The following FBXW10 variants were observed in gnomAD, a reference collection of about 807,000 sequenced individuals.
FBXW10 encodes F-box/WD repeat-containing protein 10.
A neutral mutation model predicts 113.1 loss-of-function variants in FBXW10; 68 were observed. That is an observed-to-expected ratio of 0.60 (90% CI 0.49 to 0.74). The LOEUF is 0.74. Among genes scored for constraint, FBXW10 ranks in the 30% least tolerant of loss-of-function variants. The probability of loss-of-function intolerance (pLI) is 0.00; values close to 1 mark genes in which losing one functional copy is unlikely to be tolerated. For missense variants in FBXW10, 753 were observed against 1,284.5 expected (o/e 0.59, Z 6.32); for synonymous variants, 289 against 481.6 (o/e 0.60, Z 5.24).
At chr17:18,770,593 C>G (rs150933603) in intron 11 of FBXW10, among the ~76,000 whole-genome samples, 10 of 152,120 alleles carry the variant, frequency 6.6e-5, no homozygotes, top group Admixed American at 6.6e-4. Context: ...TGAGCCACCA[C>G]GCCCGGCCTG....
At chr17:18,768,052 TTC>T in intron 9 of FBXW10, among the ~76,000 whole-genome samples, 1 of 148,554 alleles carries the variant, frequency 6.7e-6, no homozygotes, top group South Asian at 2.2e-4. Flanking sequence ...CCTTCCTTCC[TTC>T]TTTCTTTCTT....
chr17:18,778,153 T>G (rs907325492), intron 13 of FBXW10, among the ~76,000 whole-genome samples: 41 of 152,186 alleles, frequency 2.7e-4, no homozygotes, highest in African/African-American at 8.9e-4. Flanking sequence ...CTTGGGAGGC[T>G]GAGGCAGGAG....
chr17:18,752,088 T>C (rs1222530385), intron 5 of FBXW10, among the ~76,000 whole-genome samples: 1 of 152,120 alleles, frequency 6.6e-6, no homozygotes, highest in Non-Finnish European at 1.5e-5. Flanking sequence ...CTATGTTAAA[T>C]TAGAATTTGA....
At position 18,751,083 on chromosome 17, in the gene FBXW10, G is replaced by A. The variant is rs1436197955; in HGVS notation, c.1122+30G>A. The A allele has an allele frequency of 6.8e-6, 11 of 1,613,356 alleles. No homozygotes were observed. In the East Asian group the frequency reaches 2.5e-4, roughly 36 times the overall value. On this transcript the variant is annotated intron_variant, in intron 5 of 13. Coordinates refer to ENST00000395665, the MANE Select transcript of FBXW10 (RefSeq NM_001267585.2). ...GTTCCAACAGCATCTGGGGCAAGTA[G>A]CTGTGAGCGTCTCATTCTAATTGTC...
chr17:18,761,868 T>C (rs535871950), intron 7 of FBXW10, among the ~76,000 whole-genome samples: 68 of 152,372 alleles, frequency 4.5e-4, no homozygotes, highest in African/African-American at 1.4e-3. Context: ...AGAAATGCAA[T>C]TGATTTTTGT....
intron 6 of FBXW10, 143 bp downstream of exon 6, chr17:18,756,297 A>G (rs564977321): frequency 7.0e-6 from 5 of 716,588 alleles, no homozygotes; most frequent in African/African-American, 5.3e-5. Flanking sequence ...ACATGATCCC[A>G]TGTAGACAAT....
At position 18,750,041 on chromosome 17, in the gene FBXW10, C is replaced by T. The variant is rs771707792; in HGVS notation, c.903C>T (p.Cys301=). 42 of 1,613,730 alleles carry T rather than the reference C, an allele frequency of 2.6e-5. No individual in the cohort carries two copies. The Middle Eastern group carries it at 8.2e-4, about 32-fold the overall frequency. ...TGGATAGACACACCCTGAACAAGTGCGCCTCTGTGAGCCAGCACTGGGCCG... is the reference window on the plus strand; with the variant it reads ...TGGATAGACACACCCTGAACAAGTGTGCCTCTGTGAGCCAGCACTGGGCCG... ...RMLDRHTLNK[C]ASVSQHWAAM... is the part of the protein sequence containing the mutation. Residue 301 remains cysteine, a synonymous_variant, in exon 4 of 14, where the codon TGC becomes TGT. Coordinates refer to ENST00000395665, the MANE Select transcript of FBXW10 (RefSeq NM_001267585.2).
intron 8 of FBXW10, 49 bp from the exon 9 acceptor site, chr17:18,766,665 C>T (rs1191539914): frequency 2.5e-6 from 4 of 1,591,552 alleles, no homozygotes; most frequent in Non-Finnish European, 3.4e-6. Flanking sequence ...CTTTCCTTTT[C>T]CCCCTTTTTC....
intron 10 of FBXW10, among the ~76,000 whole-genome samples, chr17:18,769,007 C>T (rs1317145016): frequency 7.3e-6 from 1 of 137,586 alleles, no homozygotes; most frequent in Non-Finnish European, 1.5e-5. Flanking sequence ...GCAATCTTGG[C>T]TCACTGCAAG....
chr17:18,757,727 A>G (rs903165460), intron 6 of FBXW10, among the ~76,000 whole-genome samples: 2 of 152,242 alleles, frequency 1.3e-5, no homozygotes, highest in Admixed American at 6.5e-5. Flanking sequence ...TCCTGTTCAT[A>G]CTTTACCTAT....
At chr17:18,775,383 G>C (rs1014388808) in intron 13 of FBXW10, among the ~76,000 whole-genome samples, 191 bp downstream of exon 13, 1 of 152,220 alleles carries the variant, frequency 6.6e-6, no homozygotes, top group African/African-American at 2.4e-5. Flanking sequence ...ACCTTTGCTT[G>C]TCTTTGAGAA....
rs759378911 is a variant in FBXW10 at position 18,751,063 on chromosome 17, A to G, written c.1122+10A>G. Reference sequence around the variant, plus strand: ...GAAGCTGAGAACGAAGGTGGGTTCCAACAGCATCTGGGGCAAGTAGCTGTG... The same window carrying G: ...GAAGCTGAGAACGAAGGTGGGTTCCGACAGCATCTGGGGCAAGTAGCTGTG... On this transcript the variant is annotated intron_variant, in intron 5 of 13. Transcript: ENST00000395665. The G allele has an allele frequency of 6.2e-7, 1 of 1,613,838 alleles. No individual in the cohort carries two copies. The highest frequency in any genetic ancestry group is 1.1e-5 in the South Asian group (1 of 91,064).
At chr17:18,775,255 T>C (rs2035680779) in intron 13 of FBXW10, 63 bp downstream of exon 13, 6 of 1,118,974 alleles carry the variant, frequency 5.4e-6, no homozygotes, top group Non-Finnish European at 6.8e-6. Flanking sequence ...GCAGGAGAAT[T>C]TGGAAGCAAA....
At chr17:18,759,591 T>G (rs1261284110) in intron 7 of FBXW10, among the ~76,000 whole-genome samples, 3 of 151,706 alleles carry the variant, frequency 2.0e-5, no homozygotes, top group African/African-American at 7.3e-5. Flanking sequence ...TTTCTGTTGG[T>G]GGACATTTGC....
intron 8 of FBXW10, among the ~76,000 whole-genome samples, chr17:18,765,735 CTTTT>C (rs929542257): frequency 6.8e-6 from 1 of 147,814 alleles, no homozygotes; most frequent in Admixed American, 6.8e-5. Flanking sequence ...CAACTTCTTC[CTTTT>C]TTTTTTGAGA....
intron 13 of FBXW10, 26 bp from the exon 14 acceptor site, chr17:18,778,449 T>C: frequency 1.3e-6 from 2 of 1,587,962 alleles, no homozygotes; most frequent in Non-Finnish European, 1.7e-6. Flanking sequence ...CGCCGATTTT[T>C]TAAAATTTTC....
At chr17:18,777,548 C>CTT (rs879356764) in intron 13 of FBXW10, among the ~76,000 whole-genome samples, 2 of 140,200 alleles carry the variant, frequency 1.4e-5, no homozygotes, top group Non-Finnish European at 3.2e-5. Context: ...TTCACATTTT[C>CTT]TTTTTTTTTT....
In FBXW10 at chr17:18,768,026, TCTTCCTTC is replaced by T. The variant is rs72275127; in HGVS notation, c.1705-487_1705-480del. Among the ~76,000 whole-genome samples, 446 of 135,788 alleles carry T rather than the reference TCTTCCTTC, an allele frequency of 3.3e-3. 2 individuals are homozygous for T. Among genetic ancestry groups the T allele is most frequent in the South Asian group, 8.0e-3 (33 of 4,140 alleles). 89.1% of individuals were successfully genotyped at this position (135,788 alleles called of 152,430 possible). A position where few individuals can be genotyped will look rare whatever the true frequency, so the allele number is the denominator to read the frequency against. ...TTTTCTTTTCCTTCCTTCCTTCCTT[TCTTCCTTC>T]CTTCCTTCCTTCCTTCCTTCTTTCT... is the stretch of plus-strand genomic sequence containing the variant. On this transcript the variant is annotated intron_variant, in intron 9 of 13. Coordinates refer to ENST00000395665, the MANE Select transcript of FBXW10 (RefSeq NM_001267585.2).
rs138657360 is a variant in FBXW10, at chr17:18,772,463, A to C, written c.2058A>C (p.Ile686=). The change falls in exon 12 of 14, where the codon ATA becomes ATC. Residue 686 remains isoleucine (I), a synonymous_variant. Transcript: ENST00000395665. The part of the protein sequence containing the change: ...SNVLMFQFEH[I]KWQYAVEKTK... ...TTCTCATGTTCCAGTTTGAGCACAT[A>C]AAGTGGCAGTATGCCGTGGAAAAAA... The C allele has an allele frequency of 2.5e-6, 4 of 1,614,056 alleles. No individual in the cohort carries two copies. The highest frequency in any genetic ancestry group is 3.4e-6 in the Non-Finnish European group (4 of 1,179,976).
Sources: gnomAD v4.1 joint callset for allele counts (sites outside exome capture counted in the v4.1 genomes callset) on GRCh38, gnomAD v4.1.1 for gene constraint, MANE v1.5 for transcripts, NCBI Gene and HGNC (gene_info 2026-07-23, HGNC 2026-07-21) for gene names.